The following DSG3 variants were observed in gnomAD, a reference collection of about 807,000 sequenced individuals.
DSG3 encodes the protein desmoglein 3.
Under a neutral mutation model 85.9 loss-of-function variants are expected in DSG3, and 63 were observed. The observed-to-expected ratio is 0.73, with a 90% CI of 0.60 to 0.90. The LOEUF is 0.90. DSG3 is among the 40% of genes least tolerant of loss of function. DSG3 has a pLI of 0.00. For missense variants in DSG3, 1,220 were observed against 1,219.9 expected (o/e 1.00, Z 0.00); for synonymous variants, 447 against 441.9 (o/e 1.01, Z -0.14).
chr18:31,474,539 T>G (rs1300114835), intron 15 of DSG3, 135 bp downstream of exon 15: 69 of 1,167,572 alleles, frequency 5.9e-5, no homozygotes, highest in Middle Eastern at 2.9e-4. Context: ...TTGTTTGTTT[T>G]TTGCCAAAAT....
rs994139964 is a variant in DSG3 at position 31,475,861 on chromosome 18, C to A, written c.2601C>A (p.Gly867=). The change falls in exon 16 of 16, where the codon GGC becomes GGA. Residue 867 remains glycine (G), a synonymous_variant. Transcript: ENST00000257189. ...AEISLGVDGE[G]KEVQPPSKDS... Reference sequence around the variant, plus strand: ...TAAGCCTTGGTGTTGATGGTGAAGGCAAAGAAGTTCAGCCACCCTCTAAAG... The same window carrying A: ...TAAGCCTTGGTGTTGATGGTGAAGGAAAAGAAGTTCAGCCACCCTCTAAAG... The A allele has an allele frequency of 1.2e-6, 2 of 1,613,978 alleles. No homozygotes were observed. Among genetic ancestry groups the A allele is most frequent in the African/African-American group, 2.7e-5 (2 of 74,884 alleles).
chr18:31,468,437 C>T (rs572581688), intron 11 of DSG3, among the ~76,000 whole-genome samples: 1 of 152,144 alleles, frequency 6.6e-6, no homozygotes, highest in Non-Finnish European at 1.5e-5. Flanking sequence ...TAAATGATGT[C>T]GCCCATCTTC....
At position 31,475,226 on chromosome 18, in the gene DSG3, A is replaced by G. The variant is rs141249535; in HGVS notation, c.2386-420A>G. Among the ~76,000 whole-genome samples the G allele has an allele frequency of 6.1e-3, 926 of 152,350 alleles. 6 individuals are homozygous for G. The highest frequency in any genetic ancestry group is 0.012 in the South Asian group (57 of 4,828). ...GAGGCACGGTTAGAATGGATCTCAC[A>G]TTGAGTTTTGGTATCAATACTGGTA... On this transcript the variant is annotated intron_variant, in intron 15 of 15. Coordinates refer to ENST00000257189, the MANE Select transcript of DSG3 (RefSeq NM_001944.3).
chr18:31,452,517 C>CAA (rs35886860), intron 1 of DSG3, among the ~76,000 whole-genome samples: 1,615 of 51,756 alleles, frequency 0.031, 217 homozygotes, highest in East Asian at 0.063. Flanking sequence ...GACTCCGTCT[C>CAA]AAAAAAAAAA....
At chr18:31,456,418 G>A in intron 1 of DSG3, 22 bp from the exon 2 acceptor site, 1 of 1,338,748 alleles carries the variant, frequency 7.5e-7, no homozygotes, top group Non-Finnish European at 9.7e-7. Flanking sequence ...CATTTAATTC[G>A]ACTTTATTTA....
chr18:31,478,424 T>C lies in DSG3; in HGVS notation c.*2164T>C, dbSNP rs75200426. On this transcript the variant is annotated 3_prime_UTR_variant, in exon 16 of 16. Coordinates refer to ENST00000257189, the MANE Select transcript of DSG3 (RefSeq NM_001944.3). ...GGAATTTTGCTGCATTGTTAAACTG[T>C]AGTGGAAACCATGCTATAGTAATAA... 360 of 152,282 alleles carry C rather than the reference T, an allele frequency of 2.4e-3. 1 individual carries two copies. Among genetic ancestry groups the C allele is most frequent in the African/African-American group, 8.4e-3 (350 of 41,558 alleles). The allele number at this position is 152,282 out of a possible 1,614,324, so 9.4% of individuals were successfully genotyped here. A position where few individuals can be genotyped will look rare whatever the true frequency, so the allele number is the denominator to read the frequency against.
rs368550203 is a variant in DSG3 at position 31,447,943 on chromosome 18, C to G, written c.48+18C>G. ...TCTTCGTGGTAAGTCCTGGATTTTC[C>G]TAATAATCACAAACTTCCCTGCTTC... is the stretch of plus-strand genomic sequence containing the variant. On this transcript the variant is annotated intron_variant, in intron 1 of 15. Coordinates refer to ENST00000257189, the MANE Select transcript of DSG3 (RefSeq NM_001944.3). The G allele has an allele frequency of 1.9e-6, 3 of 1,540,702 alleles. No homozygotes were observed. The highest frequency in any genetic ancestry group is 1.4e-5 in the African/African-American group (1 of 70,438).
At chr18:31,454,673 G>GC (rs753277012) in intron 1 of DSG3, among the ~76,000 whole-genome samples, 2 of 136,820 alleles carry the variant, frequency 1.5e-5, no homozygotes, top group Admixed American at 7.3e-5. Context: ...CCATTAGTTT[G>GC]TTTTTTTTTT....
rs1232544337 is a variant in DSG3, at chr18:31,469,216, G to A, written c.1764G>A (p.Gln588=). The A allele has an allele frequency of 5.0e-6, 8 of 1,614,094 alleles. No homozygotes were observed. In the East Asian group the frequency reaches 1.8e-4, roughly 36 times the overall value. The part of the protein sequence containing the change: ...MPRSLTLEVC[Q]CDNRGICGTS... ...GCAGCTTGACACTGGAAGTCTGTCA[G>A]TGTGACAACAGGGGCATCTGTGGAA... is the stretch of plus-strand genomic sequence containing the variant. The change falls in exon 12 of 16, where the codon CAG becomes CAA. Residue 588 remains glutamine (Q), a synonymous_variant. Coordinates refer to ENST00000257189, the MANE Select transcript of DSG3 (RefSeq NM_001944.3).
At chr18:31,468,051 G>A (rs7227554) in intron 11 of DSG3, among the ~76,000 whole-genome samples, 1,591 of 152,276 alleles carry the variant, frequency 0.01, 35 homozygotes, top group African/African-American at 0.037. Flanking sequence ...GGACTAGGTG[G>A]GCAAGGCACA....
Position 31,456,420 on chromosome 18 carries a change from C to A in DSG3, c.49-20C>A. 7.4e-7 allele frequency: 1 copy of A among 1,343,660 alleles called. No homozygotes were observed. The highest frequency in any genetic ancestry group is 9.7e-7 in the Non-Finnish European group (1 of 1,036,096). The allele number at this position is 1,343,660 out of a possible 1,614,324, so 83.2% of individuals were successfully genotyped here. A position where few individuals can be genotyped will look rare whatever the true frequency, so the allele number is the denominator to read the frequency against. On this transcript the variant is annotated intron_variant, in intron 1 of 15. Transcript: ENST00000257189. ...TTTGAAGAATTCACATTTAATTCGA[C>A]TTTATTTAAATGTCTGCAGGTGGTC...
chr18:31,458,326 G>T, intron 3 of DSG3, 119 bp from the exon 4 acceptor site: 1 of 1,133,950 alleles, frequency 8.8e-7, no homozygotes, highest in East Asian at 2.4e-5. Flanking sequence ...AAAGTAAATG[G>T]CACAATGTCA....
Position 31,454,180 on chromosome 18 carries a change from T to C in DSG3, c.49-2260T>C, listed in dbSNP as rs145260552. On this transcript the variant is annotated intron_variant, in intron 1 of 15. Coordinates refer to ENST00000257189, the MANE Select transcript of DSG3 (RefSeq NM_001944.3). ...CCTTATTGTGTATTAGAAGAATCAT[T>C]CTCTGTAGGGCTAGTCCAAGCATGA... Among the ~76,000 whole-genome samples the C allele has an allele frequency of 8.0e-3, 1,223 of 152,286 alleles. 9 individuals carry two copies. Among genetic ancestry groups the C allele is most frequent in the Non-Finnish European group, 0.011 (769 of 68,024 alleles).
At chr18:31,471,728 G>A (rs2072856765) in intron 12 of DSG3, among the ~76,000 whole-genome samples, 1 of 152,150 alleles carries the variant, frequency 6.6e-6, no homozygotes, top group African/African-American at 2.4e-5. Context: ...CCACAACTAA[G>A]AAATTCTTAA....
intron 1 of DSG3, among the ~76,000 whole-genome samples, chr18:31,454,673 G>GTT (rs58881473): frequency 0.05 from 6,873 of 136,754 alleles, 547 homozygotes; most frequent in African/African-American, 0.17. Context: ...CCATTAGTTT[G>GTT]TTTTTTTTTT....
At chr18:31,474,456 CT>C in intron 15 of DSG3, 52 bp downstream of exon 15, 2 of 1,531,908 alleles carry the variant, frequency 1.3e-6, no homozygotes, top group Non-Finnish European at 1.8e-6. Flanking sequence ...CATTAGAGAA[CT>C]TTTTATTTGA....
In DSG3 at chr18:31,460,844, C is replaced by T. The variant is rs771645854; in HGVS notation, c.696C>T (p.Ser232=). The part of the protein sequence containing the change: ...TNSLDREQAS[S]YRLVVSGADK... Reference sequence around the variant, plus strand: ...TTATCCAAAATTAGCAAGCTAGCAGCTATCGTCTGGTTGTGAGTGGTGCAG... The same window carrying T: ...TTATCCAAAATTAGCAAGCTAGCAGTTATCGTCTGGTTGTGAGTGGTGCAG... Residue 232 remains serine (S), a synonymous_variant, in exon 7 of 16, where the codon AGC becomes AGT. Coordinates refer to ENST00000257189, the MANE Select transcript of DSG3 (RefSeq NM_001944.3). The T allele has an allele frequency of 6.3e-7, 1 of 1,580,078 alleles. No homozygotes were observed. The highest frequency in any genetic ancestry group is 8.5e-7 in the Non-Finnish European group (1 of 1,169,782).
At chr18:31,447,950 T>A (rs776562745) in intron 1 of DSG3, 25 bp downstream of exon 1, 12 of 1,526,854 alleles carry the variant, frequency 7.9e-6, no homozygotes, top group Non-Finnish European at 1.1e-5. Context: ...TTCCTAATAA[T>A]CACAAACTTC....
intron 1 of DSG3, among the ~76,000 whole-genome samples, 159 bp from the exon 2 acceptor site, chr18:31,456,281 A>G (rs2072741387): frequency 6.6e-6 from 1 of 152,212 alleles, no homozygotes; most frequent in South Asian, 2.1e-4. Context: ...TCCTGGTAGG[A>G]ACTTACCCTT....
Sources: allele counts gnomAD v4.1 joint callset (sites outside exome capture counted in the v4.1 genomes callset), GRCh38; gene constraint gnomAD v4.1.1; transcripts MANE v1.5; gene names NCBI Gene and HGNC (gene_info 2026-07-23, HGNC 2026-07-21).